Variants in USP10 observed in about 807,000 individuals in gnomAD.
USP10 encodes the protein ubiquitin carboxyl-terminal hydrolase 10.
A neutral mutation model predicts 84.5 loss-of-function variants in USP10; 22 were observed. The ratio of observed to expected loss-of-function variants is 0.26; its 90% CI spans 0.19 to 0.37. The LOEUF is 0.37. Among genes scored for constraint, USP10 ranks in the 10% least tolerant of loss-of-function variants. The probability of loss-of-function intolerance (pLI) is 1.00; values close to 1 mark genes in which losing one functional copy is unlikely to be tolerated. For missense variants in USP10, 1,019 were observed against 998.9 expected (o/e 1.02, Z -0.27); for synonymous variants, 454 against 387.6 (o/e 1.17, Z -2.01).
At chr16:84,700,480 C>T (rs1904711943) in intron 1 of USP10, among the ~76,000 whole-genome samples, 1 of 151,994 alleles carries the variant, frequency 6.6e-6, no homozygotes, top group Admixed American at 6.5e-5. Context: ...CCGGGGGCTC[C>T]GGGAGTCCCC....
chr16:84,744,869 G>C lies in USP10; in HGVS notation c.388G>C (p.Val130Leu), dbSNP rs200099821. 2.5e-6 allele frequency: 4 copies of C among 1,613,660 alleles called. No individual in the cohort carries two copies. The African/African-American group carries it at 5.3e-5, about 22-fold the overall frequency. Residue 130 changes from valine to leucine, a missense_variant, in exon 4 of 14, where the codon GTG becomes CTG. This residue lies in a region of USP10 where 787 missense variants were observed against 708.8 expected (regional missense o/e 1.11). Transcript: ENST00000219473. ...CCTCGCTTTGGATGGAAGTTCTAAT[G>C]TGGAGGCGGAAGTTTTGGAAAATGA... Reference protein sequence around the residue: ...SALALDGSSNVEAEVLENDGV... With the variant: ...SALALDGSSNLEAEVLENDGV...
rs751167011 is a variant in USP10 at position 84,764,200 on chromosome 16, C to G, written c.1769C>G (p.Ser590Cys). 38 of 1,613,920 alleles carry G rather than the reference C, an allele frequency of 2.4e-5. No individual in the cohort carries two copies. Among genetic ancestry groups the G allele is most frequent in the Non-Finnish European group, 3.1e-5 (37 of 1,179,904 alleles). The change falls in exon 10 of 14, where the codon TCC becomes TGC. Residue 590 changes from serine to cysteine, a missense_variant. Ser to Cys is a moderately radical substitution (Grantham distance 112, BLOSUM62 -1). Coordinates refer to ENST00000219473, the MANE Select transcript of USP10 (RefSeq NM_005153.3). ...WEQVGPRNKT[S>C]VTRQADFVQT... ...CAAGTGGGCCCCCGGAACAAGACTT[C>G]CGTCACCCGCCAGGCGGATTTTGTT... is the stretch of plus-strand genomic sequence containing the variant.
intron 11 of USP10, 132 bp from the exon 12 acceptor site, chr16:84,772,409 A>C: frequency 2.4e-6 from 3 of 1,258,826 alleles, no homozygotes; most frequent in Non-Finnish European, 3.4e-6. Flanking sequence ...GGGGCAGGAA[A>C]AGCCATGAAG....
At chr16:84,723,887 T>C (rs1469613159) in intron 1 of USP10, among the ~76,000 whole-genome samples, 1 of 152,262 alleles carries the variant, frequency 6.6e-6, no homozygotes, top group African/African-American at 2.4e-5. Flanking sequence ...CCTCTTCTTT[T>C]GTTCGTCCTT....
chr16:84,736,589 C>T (rs1322723941), intron 2 of USP10, among the ~76,000 whole-genome samples: 1 of 152,172 alleles, frequency 6.6e-6, no homozygotes, highest in Non-Finnish European at 1.5e-5. Context: ...AGTCGTAATC[C>T]TGTTATTTAT....
chr16:84,760,297 A>C lies in USP10; in HGVS notation c.1554+22A>C, dbSNP rs773799623. ...AAAGGTTTGAGACTTCTCTGTTGTC[A>C]CTAGTATCAAGTGTTGCCTTTTGTT... On this transcript the variant is annotated intron_variant, in intron 8 of 13. Transcript: ENST00000219473. The C allele has an allele frequency of 3.8e-6, 6 of 1,570,390 alleles. No individual in the cohort carries two copies. In the East Asian group the frequency reaches 1.4e-4, roughly 36 times the overall value.
At chr16:84,750,398 C>G (rs1911781108) in intron 4 of USP10, among the ~76,000 whole-genome samples, 1 of 125,396 alleles carries the variant, frequency 8.0e-6, no homozygotes, top group African/African-American at 3.0e-5. Context: ...CAGAGTGAGA[C>G]TGTCTCAAAA....
intron 1 of USP10, among the ~76,000 whole-genome samples, chr16:84,724,301 C>A (rs1361534273): frequency 6.6e-6 from 1 of 152,050 alleles, no homozygotes; most frequent in African/African-American, 2.4e-5. Flanking sequence ...AATCTGAATT[C>A]AATCTAAAAT....
intron 1 of USP10, among the ~76,000 whole-genome samples, chr16:84,708,108 G>A (rs904316031): frequency 6.6e-6 from 1 of 151,862 alleles, no homozygotes; most frequent in Non-Finnish European, 1.5e-5. Flanking sequence ...ATATTTTGAA[G>A]ACTTCCACCC....
intron 2 of USP10, among the ~76,000 whole-genome samples, chr16:84,735,796 T>G (rs1459200514): frequency 6.6e-6 from 1 of 152,060 alleles, no homozygotes; most frequent in East Asian, 1.9e-4. Flanking sequence ...ACGGTGAAGT[T>G]TGGAGGGGTA....
At chr16:84,761,527 C>A (rs769646363) in intron 8 of USP10, among the ~76,000 whole-genome samples, 5 of 152,212 alleles carry the variant, frequency 3.3e-5, no homozygotes, top group Non-Finnish European at 5.9e-5. Context: ...GACTCCTCTC[C>A]CAGTGGGGCC....
intron 1 of USP10, among the ~76,000 whole-genome samples, chr16:84,715,646 T>TA (rs1567593939): frequency 4.6e-5 from 7 of 151,176 alleles, no homozygotes; most frequent in Admixed American, 1.3e-4. Context: ...CCTTTTTTTT[T>TA]TAAAAAAACA....
intron 1 of USP10, among the ~76,000 whole-genome samples, chr16:84,704,171 T>A (rs1905208435): frequency 6.6e-6 from 1 of 152,210 alleles, no homozygotes; most frequent in South Asian, 2.1e-4. Context: ...TTTTGTTTGT[T>A]TGTTTGTTTT....
intron 12 of USP10, among the ~76,000 whole-genome samples, chr16:84,773,755 T>G (rs1165493366): frequency 6.6e-6 from 1 of 152,180 alleles, no homozygotes; most frequent in Non-Finnish European, 1.5e-5. Flanking sequence ...CCTCCCCATT[T>G]TATTCTATCC....
chr16:84,704,275 C>T (rs1317834964), intron 1 of USP10, among the ~76,000 whole-genome samples: 1 of 152,226 alleles, frequency 6.6e-6, no homozygotes, highest in Non-Finnish European at 1.5e-5. Flanking sequence ...ACACTTATTA[C>T]TGGTACTATA....
intron 5 of USP10, among the ~76,000 whole-genome samples, 174 bp downstream of exon 5, chr16:84,758,981 A>C (rs548460992): frequency 6.6e-6 from 1 of 152,228 alleles, no homozygotes; most frequent in Non-Finnish European, 1.5e-5. Flanking sequence ...TCCTGACCCC[A>C]GTCCATCTCC....
At position 84,700,020 on chromosome 16, in the gene USP10, G is replaced by A. The variant is rs1904623579; in HGVS notation, c.-71G>A. ...GATGCGAGTGTGTATGTGCGGGCGA[G>A]AAGATGGCGGCGGCGGGGGAAGCAG... is the stretch of plus-strand genomic sequence containing the variant. On this transcript the variant is annotated 5_prime_UTR_variant, in exon 1 of 14. Transcript: ENST00000219473. 7.6e-7 allele frequency: 1 copy of A among 1,320,954 alleles called. No individual in the cohort carries two copies. The highest frequency in any genetic ancestry group is 2.6e-5 in the Admixed American group (1 of 37,904). 81.8% of individuals were successfully genotyped at this position (1,320,954 alleles called of 1,614,324 possible).
rs748347117 is a variant in USP10, at chr16:84,778,956, C to A, written c.2271C>A (p.Ile757=). 3.7e-6 allele frequency: 6 copies of A among 1,613,872 alleles called. No homozygotes were observed. The Admixed American group carries it at 6.7e-5, about 18-fold the overall frequency. ...ATTACACTACAGACGTCTTCCAGAT[C>A]GGTCTGAATGGCTGGCTGCGCATCG... ...GGHYTTDVFQ[I]GLNGWLRIDD... is the part of the protein sequence containing the mutation. Residue 757 remains isoleucine (I), a synonymous_variant, in exon 14 of 14, where the codon ATC becomes ATA. Coordinates refer to ENST00000219473, the MANE Select transcript of USP10 (RefSeq NM_005153.3).
chr16:84,755,584 C>T (rs1351696276), intron 4 of USP10, among the ~76,000 whole-genome samples: 1 of 152,090 alleles, frequency 6.6e-6, no homozygotes, highest in Non-Finnish European at 1.5e-5. Flanking sequence ...TGCAGTGAGG[C>T]ATAATCACGC....
Sources: allele counts gnomAD v4.1 joint callset (sites outside exome capture counted in the v4.1 genomes callset), GRCh38; gene constraint gnomAD v4.1.1; regional missense constraint gnomAD v4.1.1; transcripts MANE v1.5; gene names NCBI Gene and HGNC (gene_info 2026-07-23, HGNC 2026-07-21).